FAM149B1: variants seen among roughly 807,000 people sequenced by gnomAD.
FAM149B1 encodes family with sequence similarity 149 member B1.
A neutral mutation model predicts 75.3 loss-of-function variants in FAM149B1; 56 were observed. That is an observed-to-expected ratio of 0.74 (90% confidence interval 0.60 to 0.93). FAM149B1 has a LOEUF of 0.93. Ranked by LOEUF, FAM149B1 falls within the 40% of genes least tolerant of loss-of-function variation. FAM149B1 has a pLI of 0.00. For missense variants in FAM149B1, 639 were observed against 708.4 expected (o/e 0.90, Z 1.11); for synonymous variants, 259 against 256.1 (o/e 1.01, Z -0.11).
At chr10:73,194,842 C>T (rs1462425141) in intron 5 of FAM149B1, among the ~76,000 whole-genome samples, 1 of 151,772 alleles carries the variant, frequency 6.6e-6, no homozygotes, top group Non-Finnish European at 1.5e-5. Context: ...CAGCACCATG[C>T]CCGGCTAATT....
intron 3 of FAM149B1, among the ~76,000 whole-genome samples, chr10:73,190,295 G>A (rs2042650061): frequency 6.6e-6 from 1 of 151,104 alleles, no homozygotes; most frequent in Non-Finnish European, 1.5e-5. Flanking sequence ...TCTATCAGGT[G>A]AAAGACAATT....
At chr10:73,195,607 T>C (rs2042786160) in intron 5 of FAM149B1, among the ~76,000 whole-genome samples, 1 of 152,198 alleles carries the variant, frequency 6.6e-6, no homozygotes, top group African/African-American at 2.4e-5. Context: ...AATTTAATCT[T>C]CAAGGAAATA....
At chr10:73,232,588 C>T (rs1335580261) in intron 9 of FAM149B1, among the ~76,000 whole-genome samples, 3 of 152,174 alleles carry the variant, frequency 2.0e-5, no homozygotes, top group East Asian at 1.9e-4. Flanking sequence ...AGGAATCAGC[C>T]CCTGTGGCAA....
At chr10:73,209,822 G>C (rs2043148188) in intron 6 of FAM149B1, among the ~76,000 whole-genome samples, 1 of 152,296 alleles carries the variant, frequency 6.6e-6, no homozygotes, top group African/African-American at 2.4e-5. Context: ...TTTCTTTTTA[G>C]GCTGTGCAGC....
chr10:73,198,616 C>T (rs2042861634), intron 5 of FAM149B1, among the ~76,000 whole-genome samples: 1 of 152,116 alleles, frequency 6.6e-6, no homozygotes, highest in African/African-American at 2.4e-5. Context: ...ACCAGCCTGG[C>T]TAACATGGTG....
chr10:73,187,372 T>C (rs1382903669), intron 3 of FAM149B1, among the ~76,000 whole-genome samples: 1 of 143,066 alleles, frequency 7.0e-6, no homozygotes, highest in Non-Finnish European at 1.5e-5. Flanking sequence ...TATATGCAAT[T>C]GCAAAGGATC....
intron 8 of FAM149B1, among the ~76,000 whole-genome samples, chr10:73,229,147 G>A (rs2043625844): frequency 6.6e-6 from 1 of 152,094 alleles, no homozygotes; most frequent in Admixed American, 6.6e-5. Flanking sequence ...GCACAAAGAT[G>A]GTATTTCTTG....
chr10:73,176,182 C>G (rs1398705369), intron 2 of FAM149B1, among the ~76,000 whole-genome samples: 1 of 152,048 alleles, frequency 6.6e-6, no homozygotes, highest in African/African-American at 2.4e-5. Context: ...GAATGCACAA[C>G]CTAGATCCCT....
At chr10:73,201,127 A>T (rs1426076274) in intron 5 of FAM149B1, 1 of 272,336 alleles carries the variant, frequency 3.7e-6, no homozygotes, top group African/African-American at 2.3e-5. Context: ...GTGGCTAAAA[A>T]CTTTGTTACT....
chr10:73,179,509 G>A (rs1471441626), intron 3 of FAM149B1, among the ~76,000 whole-genome samples: 1 of 151,678 alleles, frequency 6.6e-6, no homozygotes, highest in Non-Finnish European at 1.5e-5. Context: ...AAACTCCTGG[G>A]CTCAAGCCAT....
intron 2 of FAM149B1, among the ~76,000 whole-genome samples, chr10:73,176,401 C>A (rs547678421): frequency 7.2e-4 from 109 of 152,268 alleles, no homozygotes; most frequent in African/African-American, 2.4e-3. Flanking sequence ...GTTCGGGACC[C>A]CTGTCTCATA....
chr10:73,221,597 T>C (rs1241576671), intron 7 of FAM149B1, among the ~76,000 whole-genome samples: 1 of 152,168 alleles, frequency 6.6e-6, no homozygotes, highest in South Asian at 2.1e-4. Context: ...TTGAACAATT[T>C]GACTATGATG....
chr10:73,211,727 A>G (rs2043189810), intron 7 of FAM149B1, among the ~76,000 whole-genome samples: 1 of 152,236 alleles, frequency 6.6e-6, no homozygotes, highest in Non-Finnish European at 1.5e-5. Context: ...AAACTGCTTT[A>G]TTAAAGCATA....
chr10:73,229,890 G>A (rs1396518360), intron 8 of FAM149B1, among the ~76,000 whole-genome samples: 1 of 152,192 alleles, frequency 6.6e-6, no homozygotes, highest in African/African-American at 2.4e-5. Context: ...GCCAGTCCAA[G>A]AAACATTACA....
chr10:73,176,636 A>G (rs1843977164), intron 2 of FAM149B1, among the ~76,000 whole-genome samples: 1 of 152,194 alleles, frequency 6.6e-6, no homozygotes, highest in African/African-American at 2.4e-5. Context: ...CTGTAGTCTC[A>G]GCACTTTGGG....
intron 9 of FAM149B1, chr10:73,231,456 A>AATT (rs1179296912): frequency 6.6e-6 from 1 of 152,106 alleles, no homozygotes; most frequent in Non-Finnish European, 1.5e-5. Flanking sequence ...GCAATGTATG[A>AATT]ATTTTGGTTT....
At chr10:73,180,298 GTGTT>G (rs958005944) in intron 3 of FAM149B1, among the ~76,000 whole-genome samples, 2 of 152,210 alleles carry the variant, frequency 1.3e-5, no homozygotes, top group African/African-American at 2.4e-5. Flanking sequence ...CCAAGGGAAA[GTGTT>G]TGGTGTATTC....
intron 7 of FAM149B1, among the ~76,000 whole-genome samples, chr10:73,214,917 CTGTT>C (rs531868006): frequency 4.5e-4 from 68 of 152,204 alleles, no homozygotes; most frequent in African/African-American, 8.7e-4. Context: ...GTGAATCCAT[CTGTT>C]TGTTTGTTTG....
chr10:73,231,601 C>T (rs2043699529), intron 9 of FAM149B1, among the ~76,000 whole-genome samples: 1 of 152,078 alleles, frequency 6.6e-6, no homozygotes, highest in African/African-American at 2.4e-5. Flanking sequence ...TGCACTCAAG[C>T]GGCCACACAG....
Sources: allele counts gnomAD v4.1 joint callset (sites outside exome capture counted in the v4.1 genomes callset), GRCh38; gene constraint gnomAD v4.1.1; transcripts MANE v1.5; gene names NCBI Gene and HGNC (gene_info 2026-07-23, HGNC 2026-07-21).